Variants in PARVA observed in about 807,000 individuals in gnomAD.
PARVA encodes parvin alpha.
In PARVA, 25 loss-of-function variants were observed where a neutral mutation model predicts 52.6. That is an observed-to-expected ratio of 0.48 (90% CI 0.35 to 0.66). The LOEUF (loss-of-function observed/expected upper bound fraction) is 0.66. Ranked by LOEUF, PARVA falls within the 30% of genes least tolerant of loss-of-function variation. The pLI is 0.01. For synonymous variants in PARVA, 185 were observed against 179.1 expected (o/e 1.03, Z -0.26); for missense variants, 373 against 450.9 (o/e 0.83, Z 1.56).
intron 1 of PARVA, among the ~76,000 whole-genome samples, chr11:12,436,513 G>T (rs1233176939): frequency 6.6e-6 from 1 of 152,170 alleles, no homozygotes; most frequent in African/African-American, 2.4e-5. Flanking sequence ...GGCCTAGGAG[G>T]ACTTTTGGCT....
At chr11:12,440,472 C>T (rs377236527) in intron 1 of PARVA, among the ~76,000 whole-genome samples, 13 of 152,296 alleles carry the variant, frequency 8.5e-5, no homozygotes, top group East Asian at 1.9e-4. Context: ...TCTAATGCTG[C>T]GTAACAAATT....
intron 11 of PARVA, 53 bp from the exon 12 acceptor site, chr11:12,518,392 C>T (rs1182269124): frequency 2.2e-6 from 3 of 1,377,146 alleles, no homozygotes; most frequent in Non-Finnish European, 3.1e-6. Flanking sequence ...AGGGCCAGGT[C>T]CTGGGGCTCC....
intron 1 of PARVA, among the ~76,000 whole-genome samples, chr11:12,394,702 TG>T (rs1939708376): frequency 6.6e-6 from 1 of 152,214 alleles, no homozygotes; most frequent in Non-Finnish European, 1.5e-5. Flanking sequence ...ATCATCCTCC[TG>T]TATACACAAG....
chr11:12,483,663 C>T (rs559564416), intron 4 of PARVA, among the ~76,000 whole-genome samples: 1 of 152,334 alleles, frequency 6.6e-6, no homozygotes, highest in East Asian at 1.9e-4. Flanking sequence ...TCTGTAGCTG[C>T]AGATGAATGC....
chr11:12,500,438 G>A (rs1941349988), intron 5 of PARVA, among the ~76,000 whole-genome samples: 2 of 152,144 alleles, frequency 1.3e-5, no homozygotes, highest in Admixed American at 6.5e-5. Flanking sequence ...GTTCAACAGT[G>A]GGTAGAATCT....
chr11:12,511,574 C>T (rs758566726), intron 8 of PARVA, 41 bp downstream of exon 8: 9 of 1,606,928 alleles, frequency 5.6e-6, no homozygotes, highest in Non-Finnish European at 7.7e-6. Flanking sequence ...GGTGGCTGCA[C>T]TGGGGCTTTA....
chr11:12,446,654 G>T (rs1940551878), intron 1 of PARVA, among the ~76,000 whole-genome samples: 1 of 152,178 alleles, frequency 6.6e-6, no homozygotes, highest in South Asian at 2.1e-4. Context: ...TAAGTATGTG[G>T]AGAGATACAC....
At chr11:12,429,908 C>T (rs1411299689) in intron 1 of PARVA, among the ~76,000 whole-genome samples, 1 of 152,118 alleles carries the variant, frequency 6.6e-6, no homozygotes, top group Non-Finnish European at 1.5e-5. Flanking sequence ...GGCATGAGCA[C>T]CTTCTTTGCT....
chr11:12,513,119 T>A (rs1941522551), intron 8 of PARVA, 180 bp from the exon 9 acceptor site: 1 of 712,046 alleles, frequency 1.4e-6, no homozygotes, highest in African/African-American at 1.7e-5. Context: ...AGGGTGAGAA[T>A]CACCCCAAAT....
At chr11:12,513,196 T>C in intron 8 of PARVA, 103 bp from the exon 9 acceptor site, 1 of 902,952 alleles carries the variant, frequency 1.1e-6, no homozygotes, top group South Asian at 1.3e-5. Flanking sequence ...CCATCGGTAG[T>C]TGACCTTGTG....
chr11:12,530,836 A>G lies in PARVA; in HGVS notation c.*2911A>G, dbSNP rs1259159577. ...TTCATAAATCCAAATGCGTATCTCC[A>G]GTCTGCTCGAGCTAGGAAAGGAAAA... On this transcript the variant is annotated 3_prime_UTR_variant, in exon 13 of 13. Coordinates refer to ENST00000334956, the MANE Select transcript of PARVA (RefSeq NM_018222.5). 1 of 152,172 alleles carries G rather than the reference A, an allele frequency of 6.6e-6. No homozygotes were observed. The highest frequency in any genetic ancestry group is 6.5e-5 in the Admixed American group (1 of 15,274). The allele number at this position is 152,172 out of a possible 1,614,324, so 9.4% of individuals were successfully genotyped here.
chr11:12,489,980 G>C (rs1014166259), intron 4 of PARVA, among the ~76,000 whole-genome samples: 2 of 152,098 alleles, frequency 1.3e-5, no homozygotes, highest in Non-Finnish European at 2.9e-5. Flanking sequence ...ATTTTGGGAG[G>C]CCAAGGCAGA....
At chr11:12,452,664 A>G (rs1459387639) in intron 1 of PARVA, 2 of 188,200 alleles carry the variant, frequency 1.1e-5, no homozygotes, top group African/African-American at 4.6e-5. Flanking sequence ...CTTCACCCCT[A>G]CCCTGCTCTA....
intron 1 of PARVA, among the ~76,000 whole-genome samples, chr11:12,450,253 G>C (rs565712071): frequency 6.6e-6 from 1 of 152,172 alleles, no homozygotes; most frequent in African/African-American, 2.4e-5. Flanking sequence ...CATCTTTGCC[G>C]CCACCCCATG....
intron 1 of PARVA, among the ~76,000 whole-genome samples, chr11:12,423,911 C>T (rs1392919931): frequency 6.6e-6 from 1 of 152,176 alleles, no homozygotes; most frequent in Admixed American, 6.5e-5. Context: ...CATCCTCCTG[C>T]AATCTTCTTT....
chr11:12,377,978 C>A (rs1455321618), intron 1 of PARVA, among the ~76,000 whole-genome samples, 195 bp downstream of exon 1: 2 of 148,174 alleles, frequency 1.3e-5, no homozygotes, highest in Non-Finnish European at 3.0e-5. Context: ...CCGGGGCTCG[C>A]GGGCCATCGA....
rs535904309 is a variant in PARVA, at chr11:12,453,092, G to C, written c.137-20653G>C. The stretch of plus-strand genomic sequence containing the variant: ...GGTGGGAGCGATTCTTTGTTGGGGG[G>C]GCGCCCTGGCCACCTCCCAGCTCGT... On this transcript the variant is annotated intron_variant, in intron 1 of 12. Coordinates refer to ENST00000334956, the MANE Select transcript of PARVA (RefSeq NM_018222.5). 9.3e-5 allele frequency: 42 copies of C among 453,506 alleles called. 2 individuals carry two copies. Among genetic ancestry groups the C allele is most frequent in the Admixed American group, 6.4e-4 (27 of 42,342 alleles). 28.1% of individuals were successfully genotyped at this position (453,506 alleles called of 1,614,324 possible).
chr11:12,381,035 T>C (rs1262076914), intron 1 of PARVA, among the ~76,000 whole-genome samples: 2 of 152,096 alleles, frequency 1.3e-5, no homozygotes, highest in African/African-American at 4.8e-5. Flanking sequence ...TGTAAATGGA[T>C]GAATGGAAGA....
Position 12,517,676 on chromosome 11 carries a change from A to T in PARVA, c.934A>T (p.Ser312Cys), listed in dbSNP as rs1335608725. The stretch of plus-strand genomic sequence containing the variant: ...GGAGGGCTACTTTGTGCCCCTGCAC[A>T]GCTTCTTCCTGACCCCGGACAGCTT... ...LLEGYFVPLH[S>C]FFLTPDSFEQ... The change falls in exon 11 of 13, where the codon AGC becomes TGC. Residue 312 changes from serine (S) to cysteine (C), a missense_variant. Physicochemically the swap from Ser to Cys is moderately radical, Grantham distance 112. Transcript: ENST00000334956. 6.2e-7 allele frequency: 1 copy of T among 1,605,180 alleles called. No individual in the cohort carries two copies. Among genetic ancestry groups the T allele is most frequent in the South Asian group, 1.1e-5 (1 of 88,904 alleles).
Sources: allele counts gnomAD v4.1 joint callset (sites outside exome capture counted in the v4.1 genomes callset), GRCh38; gene constraint gnomAD v4.1.1; transcripts MANE v1.5; gene names NCBI Gene and HGNC (gene_info 2026-07-23, HGNC 2026-07-21).